Variants in KCNQ1OT1 observed in about 807,000 individuals in gnomAD.
The protein encoded by KCNQ1OT1 is KCNQ1 antisense RNA 2 (non-protein coding).
At chr11:2,619,820 G>A (rs1195304060) in exon 1 of KCNQ1OT1, 6 of 398,186 alleles carry the variant, frequency 1.5e-5, no homozygotes, top group Non-Finnish European at 2.7e-5. Context: ...AAGCTATCTG[G>A]TCCTGGGCTT....
At chr11:2,666,830 G>A (rs1011595142) in exon 1 of KCNQ1OT1, 1 of 398,572 alleles carries the variant, frequency 2.5e-6, no homozygotes, top group African/African-American at 2.1e-5. Flanking sequence ...AGGACATTCT[G>A]GGAACCAGTG....
At position 2,698,591 on chromosome 11, in the gene KCNQ1OT1, G is replaced by A; in HGVS notation, n.1404C>T. ...GACTCAGAATCCCCACCTAGAGGCA[G>A]AACTTCGACTTCAATTCCTGACTCC... On this transcript the variant is annotated non_coding_transcript_exon_variant, in exon 1 of 1. Coordinates refer to ENST00000597346, the Ensembl canonical transcript of KCNQ1OT1. This position sits in a 1 kb window ranked among gnomAD's most constrained non-coding sequence, Gnocchi z 5.1. 2 of 398,170 alleles carry A rather than the reference G, an allele frequency of 5.0e-6. No individual in the cohort carries two copies. Among genetic ancestry groups the A allele is most frequent in the Non-Finnish European group, 8.8e-6 (2 of 226,030 alleles). 24.7% of individuals were successfully genotyped at this position (398,170 alleles called of 1,614,324 possible).
rs1849753252 is a variant in KCNQ1OT1, at chr11:2,651,314, A to G, written n.48681T>C. On this transcript the variant is annotated non_coding_transcript_exon_variant, in exon 1 of 1. Transcript: ENST00000597346. This position sits in a 1 kb window ranked among gnomAD's most constrained non-coding sequence, Gnocchi z 6.1. ...GTGGGCAGCTGGGAAGCTGCACAGA[A>G]CACTCCTCAGAGTTCTACAAGCGGC... The G allele has an allele frequency of 1.0e-5, 4 of 398,594 alleles. No individual in the cohort carries two copies. The highest frequency in any genetic ancestry group is 2.1e-5 in the African/African-American group (1 of 48,648). The allele number at this position is 398,594 out of a possible 1,614,324, so 24.7% of individuals were successfully genotyped here. A position where few individuals can be genotyped will look rare whatever the true frequency, so the allele number is the denominator to read the frequency against.
chr11:2,688,331 T>C, exon 1 of KCNQ1OT1: 1 of 398,750 alleles, frequency 2.5e-6, no homozygotes, highest in Middle Eastern at 6.3e-4. Context: ...ACACACAGCT[T>C]CCATGGGGGT....
At chr11:2,630,363 A>C in exon 1 of KCNQ1OT1, 1 of 398,128 alleles carries the variant, frequency 2.5e-6, no homozygotes, top group Non-Finnish European at 4.4e-6. Context: ...AATATCAGCC[A>C]GTTATTTTCT....
chr11:2,682,098 C>T lies in KCNQ1OT1; in HGVS notation n.17897G>A. ...GAGTCTAGGGCCCAGGGTCACAAAG[C>T]TAGGGAGCCGTGGATCTGCAGGAGA... On this transcript the variant is annotated non_coding_transcript_exon_variant, in exon 1 of 1. Transcript: ENST00000597346. This position sits in a 1 kb window ranked among gnomAD's most constrained non-coding sequence, Gnocchi z 5.8. 2.5e-6 allele frequency: 1 copy of T among 398,588 alleles called. No homozygotes were observed. Among genetic ancestry groups the T allele is most frequent in the Non-Finnish European group, 4.4e-6 (1 of 226,076 alleles). The allele number at this position is 398,588 out of a possible 1,614,324, so 24.7% of individuals were successfully genotyped here.
exon 1 of KCNQ1OT1, chr11:2,641,142 C>A (rs1849570135): frequency 2.5e-6 from 1 of 398,482 alleles, no homozygotes; most frequent in Non-Finnish European, 4.4e-6. Flanking sequence ...GATGCAGGTA[C>A]ATTTTTAGTA....
chr11:2,659,669 C>A lies in KCNQ1OT1; in HGVS notation n.40326G>T. On this transcript the variant is annotated non_coding_transcript_exon_variant, in exon 1 of 1. Transcript: ENST00000597346. The surrounding 1 kb of genome is among the most constrained non-coding windows in gnomAD (Gnocchi z 4.3). ...GTATGTTTAACTTAATAAGAAATTGCTAAACTATTTCCTAAAGTCACTGTG... is the reference window on the plus strand; with the variant it reads ...GTATGTTTAACTTAATAAGAAATTGATAAACTATTTCCTAAAGTCACTGTG... The A allele has an allele frequency of 2.5e-6, 1 of 398,498 alleles. No homozygotes were observed. Among genetic ancestry groups the A allele is most frequent in the Non-Finnish European group, 4.4e-6 (1 of 226,002 alleles). The allele number at this position is 398,498 out of a possible 1,614,324, so 24.7% of individuals were successfully genotyped here.
rs1326454189 is a variant in KCNQ1OT1, at chr11:2,645,767, T to G, written n.54228A>C. The G allele has an allele frequency of 1.0e-5, 4 of 398,548 alleles. No homozygotes were observed. Among genetic ancestry groups the G allele is most frequent in the African/African-American group, 4.1e-5 (2 of 48,580 alleles). The allele number at this position is 398,548 out of a possible 1,614,324, so 24.7% of individuals were successfully genotyped here. ...GCTCCAGGGATGAGATAGAGGGATG[T>G]GGGGCCCACAGCAGATGCAGTCTGG... is the stretch of plus-strand genomic sequence containing the variant. On this transcript the variant is annotated non_coding_transcript_exon_variant, in exon 1 of 1. Coordinates refer to ENST00000597346, the Ensembl canonical transcript of KCNQ1OT1. This position sits in a 1 kb window ranked among gnomAD's most constrained non-coding sequence, Gnocchi z 5.8.
exon 1 of KCNQ1OT1, chr11:2,672,472 G>C: frequency 5.0e-6 from 2 of 398,630 alleles, no homozygotes; most frequent in Non-Finnish European, 8.8e-6. Context: ...CCTTCCCTAA[G>C]GTCCCCACAT....
At position 2,679,611 on chromosome 11, in the gene KCNQ1OT1, A is replaced by T. The variant is rs1850353273; in HGVS notation, n.20384T>A. The T allele has an allele frequency of 2.5e-6, 1 of 398,524 alleles. No homozygotes were observed. Among genetic ancestry groups the T allele is most frequent in the Admixed American group, 4.4e-5 (1 of 22,722 alleles). The allele number at this position is 398,524 out of a possible 1,614,324, so 24.7% of individuals were successfully genotyped here. On this transcript the variant is annotated non_coding_transcript_exon_variant, in exon 1 of 1. Transcript: ENST00000597346. The surrounding 1 kb of genome is among the most constrained non-coding windows in gnomAD (Gnocchi z 4.8). ...AAAGCTGATGGGGAGGCGAGTTGGA[A>T]TGAATAGTATCAGCATCAGAAAAAA...
exon 1 of KCNQ1OT1, chr11:2,640,238 C>G: frequency 2.5e-6 from 1 of 396,450 alleles, no homozygotes; most frequent in Admixed American, 4.4e-5. Flanking sequence ...TTGACGAGCC[C>G]CAGTGAGATG....
rs190917477 is a variant in KCNQ1OT1 at position 2,691,538 on chromosome 11, A to G, written n.8457T>C. On this transcript the variant is annotated non_coding_transcript_exon_variant, in exon 1 of 1. Transcript: ENST00000597346. This position sits in a 1 kb window ranked among gnomAD's most constrained non-coding sequence, Gnocchi z 6.4. ...TTGGCTTTGCATTAAAGTTGGGGGG[A>G]TTTCTCTATCCTGAGGTTATGAAAT... is the stretch of plus-strand genomic sequence containing the variant. The G allele has an allele frequency of 2.1e-3, 849 of 398,342 alleles. 1 individual carries two copies. The highest frequency in any genetic ancestry group is 3.1e-3 in the Non-Finnish European group (704 of 226,004). The allele number at this position is 398,342 out of a possible 1,614,324, so 24.7% of individuals were successfully genotyped here.
At position 2,690,981 on chromosome 11, in the gene KCNQ1OT1, C is replaced by A. The variant is rs184450087; in HGVS notation, n.9014G>T. ...ACGGGTATGTGTCAACAAAAGCCCACCAGACCATCAATGAAGTGGGCAAAA... is the reference window on the plus strand; with the variant it reads ...ACGGGTATGTGTCAACAAAAGCCCAACAGACCATCAATGAAGTGGGCAAAA... On this transcript the variant is annotated non_coding_transcript_exon_variant, in exon 1 of 1. Transcript: ENST00000597346. The surrounding 1 kb of genome is among the most constrained non-coding windows in gnomAD (Gnocchi z 5.1). 1 of 398,642 alleles carries A rather than the reference C, an allele frequency of 2.5e-6. No individual in the cohort carries two copies. The highest frequency in any genetic ancestry group is 3.6e-5 in the East Asian group (1 of 28,088). The allele number at this position is 398,642 out of a possible 1,614,324, so 24.7% of individuals were successfully genotyped here.
chr11:2,626,918 T>A lies in KCNQ1OT1; in HGVS notation n.73077A>T, dbSNP rs1268743410. ...TTAGCTATTCAAGGTCCCTTGAGAT[T>A]CCATGTGAATTTTAGGATGGGGTTT... On this transcript the variant is annotated non_coding_transcript_exon_variant, in exon 1 of 1. Transcript: ENST00000597346. This position sits in a 1 kb window ranked among gnomAD's most constrained non-coding sequence, Gnocchi z 4.0. 5 of 398,546 alleles carry A rather than the reference T, an allele frequency of 1.3e-5. No individual in the cohort carries two copies. In the East Asian group the frequency reaches 1.8e-4, roughly 14 times the overall value. The allele number at this position is 398,546 out of a possible 1,614,324, so 24.7% of individuals were successfully genotyped here. A position where few individuals can be genotyped will look rare whatever the true frequency, so the allele number is the denominator to read the frequency against.
At chr11:2,609,612 G>A (rs1337688023) in exon 1 of KCNQ1OT1, 1 of 398,278 alleles carries the variant, frequency 2.5e-6, no homozygotes, top group Non-Finnish European at 4.4e-6. Context: ...ATTATTGAAA[G>A]TGGAGTGTTG....
At chr11:2,609,291 A>G in exon 1 of KCNQ1OT1, 1 of 398,370 alleles carries the variant, frequency 2.5e-6, no homozygotes, top group Non-Finnish European at 4.4e-6. Context: ...TGATTATTTA[A>G]GAATGTAGTG....
chr11:2,636,424 C>G (rs1206234686), exon 1 of KCNQ1OT1: 1 of 152,082 alleles, frequency 6.6e-6, no homozygotes, highest in South Asian at 2.1e-4. Context: ...AAGGCCTTTT[C>G]TGCATCTATT....
At chr11:2,686,193 C>T (rs572816903) in exon 1 of KCNQ1OT1, 3 of 398,832 alleles carry the variant, frequency 7.5e-6, no homozygotes, top group African/African-American at 2.1e-5. Context: ...CTCATCCTGC[C>T]CAAAACCCTG....
Sources: gnomAD v4.1 joint callset for allele counts on GRCh38, gnomAD v4.1.1 for gene constraint, Gnocchi (gnomAD v3.1) non-coding constraint, MANE v1.5 for transcripts, NCBI Gene and HGNC (gene_info 2026-07-23, HGNC 2026-07-21) for gene names.